The following AP4E1 variants were observed in gnomAD, a reference collection of about 807,000 sequenced individuals.
AP4E1 encodes the protein AP-4 complex subunit epsilon-1.
AP4E1 carries 56 observed loss-of-function variants against 128.2 expected under a neutral mutation model. The observed-to-expected ratio is 0.44, with a 90% confidence interval of 0.35 to 0.55. The LOEUF (loss-of-function observed/expected upper bound fraction) is 0.55. AP4E1 is among the 20% of genes least tolerant of loss of function. The pLI is 0.00. For synonymous variants in AP4E1, 484 were observed against 473.1 expected (o/e 1.02, Z -0.30); for missense variants, 1,324 against 1,307.7 (o/e 1.01, Z -0.19).
rs534218367 is a variant in AP4E1 at position 50,954,678 on chromosome 15, A to C, written c.1549-3814A>C. Among the ~76,000 whole-genome samples, 19 of 152,260 alleles carry C rather than the reference A, an allele frequency of 1.2e-4. 1 individual carries two copies. In the South Asian group the frequency reaches 3.9e-3, roughly 32 times the overall value. On this transcript the variant is annotated intron_variant, in intron 13 of 20. Coordinates refer to ENST00000261842, the MANE Select transcript of AP4E1 (RefSeq NM_007347.5). ...TGTTTTACGGTTCAAGGCACAGTCT[A>C]TCTTGGTATATGTTCTGTGTTTGCT...
At chr15:50,915,918 A>T (rs765758211) in intron 3 of AP4E1, 3 of 226,588 alleles carry the variant, frequency 1.3e-5, no homozygotes, top group Non-Finnish European at 2.6e-5. Flanking sequence ...TTATATGTCT[A>T]TAAAGAGCTC....
intron 3 of AP4E1, chr15:50,915,914 G>A (rs1469817698): frequency 4.3e-6 from 1 of 230,684 alleles, no homozygotes; most frequent in Non-Finnish European, 8.6e-6. Flanking sequence ...TAAATTATAT[G>A]TCTATAAAGA....
chr15:50,948,112 G>C lies in AP4E1; in HGVS notation c.1269G>C (p.Glu423Asp), dbSNP rs145477211. 2 of 1,613,846 alleles carry C rather than the reference G, an allele frequency of 1.2e-6. No individual in the cohort carries two copies. Among genetic ancestry groups the C allele is most frequent in the South Asian group, 1.1e-5 (1 of 91,084 alleles). ...AATATTTACATCAGAGCAAAGAAGA[G>C]TATGTCATCGTCAATTTGGTCGGCA... ...MLEYLHQSKEEYVIVNLVGKI... is the reference protein window; with the variant it reads ...MLEYLHQSKEDYVIVNLVGKI... The change falls in exon 11 of 21, where the codon GAG becomes GAC. Residue 423 changes from glutamate (E) to aspartate (D), a missense_variant. Physicochemically the swap from Glu to Asp is conservative, Grantham distance 45. Coordinates refer to ENST00000261842, the MANE Select transcript of AP4E1 (RefSeq NM_007347.5).
rs754652977 is a variant in AP4E1 at position 50,993,514 on chromosome 15, A to C, written c.2235A>C (p.Ile745=). 5 of 1,613,978 alleles carry C rather than the reference A, an allele frequency of 3.1e-6. No individual in the cohort carries two copies. The highest frequency in any genetic ancestry group is 2.5e-6 in the Non-Finnish European group (3 of 1,179,936). The change falls in exon 17 of 21, where the codon ATA becomes ATC. Residue 745 remains isoleucine, a synonymous_variant. Coordinates refer to ENST00000261842, the MANE Select transcript of AP4E1 (RefSeq NM_007347.5). ...ESIMENVDQA[I]TKKDQSQVLT... Reference sequence around the variant, plus strand: ...TAATGGAGAATGTAGATCAAGCTATAACTAAAAAGGATCAATCTCAAGTTC... The same window carrying C: ...TAATGGAGAATGTAGATCAAGCTATCACTAAAAAGGATCAATCTCAAGTTC...
At chr15:50,947,894 C>T (rs2064084545) in intron 10 of AP4E1, 126 bp from the exon 11 acceptor site, 2 of 759,458 alleles carry the variant, frequency 2.6e-6, no homozygotes, top group Admixed American at 5.7e-5. Flanking sequence ...TACCTGTTAA[C>T]TGACTACCCA....
At chr15:50,965,577 G>A (rs1047967673) in intron 14 of AP4E1, among the ~76,000 whole-genome samples, 4 of 152,206 alleles carry the variant, frequency 2.6e-5, no homozygotes, top group African/African-American at 9.6e-5. Flanking sequence ...GGATACAGAG[G>A]AAGGAGATGC....
At chr15:50,911,479 ATTTT>A (rs536958160) in intron 1 of AP4E1, among the ~76,000 whole-genome samples, 14 of 124,676 alleles carry the variant, frequency 1.1e-4, no homozygotes, top group Admixed American at 1.7e-4. Context: ...TCCACCTTTA[ATTTT>A]TTTTTTTTTT....
Position 50,957,269 on chromosome 15 carries a change from G to A in AP4E1, c.1549-1223G>A, listed in dbSNP as rs190252041. On this transcript the variant is annotated intron_variant, in intron 13 of 20. Transcript: ENST00000261842. The stretch of plus-strand genomic sequence containing the variant: ...GAAGGGGAGCTGACAGGGGGACTGG[G>A]GCAGTGAAGGTAATGTTCTCCAGAA... Among the ~76,000 whole-genome samples the A allele has an allele frequency of 1.6e-4, 24 of 152,252 alleles. No homozygotes were observed. The East Asian group carries it at 4.3e-3, about 27-fold the overall frequency.
chr15:50,984,521 A>T (rs12899459), intron 16 of AP4E1, among the ~76,000 whole-genome samples: 70,554 of 142,396 alleles, frequency 0.5, 17,172 homozygotes, highest in East Asian at 0.6. Context: ...AGTGTTCTCA[A>T]TGTTCAATTC....
chr15:51,005,247 G>A lies in AP4E1; in HGVS notation c.*2585G>A, dbSNP rs2065005502. ...AATAGTCATAATTTAGTCAGTGAAGGGACAACATCTGGGGTAAGAGCTATG... is the reference window on the plus strand; with the variant it reads ...AATAGTCATAATTTAGTCAGTGAAGAGACAACATCTGGGGTAAGAGCTATG... On this transcript the variant is annotated 3_prime_UTR_variant, in exon 21 of 21. Coordinates refer to ENST00000261842, the MANE Select transcript of AP4E1 (RefSeq NM_007347.5). The A allele has an allele frequency of 6.6e-6, 1 of 152,336 alleles. No homozygotes were observed. Among genetic ancestry groups the A allele is most frequent in the African/African-American group, 2.4e-5 (1 of 41,442 alleles). The allele number at this position is 152,336 out of a possible 1,614,324, so 9.4% of individuals were successfully genotyped here.
At position 50,997,401 on chromosome 15, in the gene AP4E1, A is replaced by G. The variant is rs749653665; in HGVS notation, c.2422A>G (p.Thr808Ala). Reference sequence around the variant, plus strand: ...CAAAGAAGCTAAAAGTGGCGAAACAACCAGTACTCATAATATGACCTGTTC... The same window carrying G: ...CAAAGAAGCTAAAAGTGGCGAAACAGCCAGTACTCATAATATGACCTGTTC... ...KVKEAKSGETTSTHNMTCSSF... is the reference protein window; with the variant it reads ...KVKEAKSGETASTHNMTCSSF... The change falls in exon 18 of 21, where the codon ACC (threonine) becomes GCC (alanine). Residue 808 changes from threonine to alanine, a missense_variant. Physicochemically the swap from Thr to Ala is moderately conservative, Grantham distance 58. Coordinates refer to ENST00000261842, the MANE Select transcript of AP4E1 (RefSeq NM_007347.5). 1.4e-5 allele frequency: 23 copies of G among 1,611,506 alleles called. No individual in the cohort carries two copies.
rs1315612927 is a variant in AP4E1, at chr15:50,999,245, A to G, written c.3078A>G (p.Ser1026=). ...AGCTGGAATTTTCTGTAAACTTATC[A>G]CTATTAGATTTCATTAGGTAAATGT... The part of the protein sequence containing the change: ...SAQLEFSVNL[S]LLDFIRPLKI... The change falls in exon 19 of 21, where the codon TCA becomes TCG. Residue 1026 remains serine (S), a synonymous_variant. Coordinates refer to ENST00000261842, the MANE Select transcript of AP4E1 (RefSeq NM_007347.5). 1.9e-6 allele frequency: 3 copies of G among 1,611,198 alleles called. No individual in the cohort carries two copies. Among genetic ancestry groups the G allele is most frequent in the Non-Finnish European group, 1.7e-6 (2 of 1,178,520 alleles).
At chr15:50,954,449 T>C (rs867832630) in intron 13 of AP4E1, among the ~76,000 whole-genome samples, 65 of 152,324 alleles carry the variant, frequency 4.3e-4, no homozygotes, top group Middle Eastern at 3.4e-3. Context: ...TTTCATTCAA[T>C]AGTTCAGTTT....
rs148209466 is a variant in AP4E1, at chr15:50,932,072, C to T, written c.869+1101C>T. Among the ~76,000 whole-genome samples, 924 of 152,088 alleles carry T rather than the reference C, an allele frequency of 6.1e-3. 9 individuals are homozygous for T. Among genetic ancestry groups the T allele is most frequent in the African/African-American group, 0.021 (873 of 41,472 alleles). ...TCAGCTCACTGCAACCTCCACCTCC[C>T]GGATTCAAGAGATTTTCCCACCTCA... On this transcript the variant is annotated intron_variant, in intron 7 of 20. Coordinates refer to ENST00000261842, the MANE Select transcript of AP4E1 (RefSeq NM_007347.5).
In AP4E1 at chr15:50,941,651, T is replaced by G; in HGVS notation, c.1067-15T>G. The G allele has an allele frequency of 1.2e-6, 2 of 1,612,368 alleles. No homozygotes were observed. Among genetic ancestry groups the G allele is most frequent in the Non-Finnish European group, 1.7e-6 (2 of 1,178,594 alleles). On this transcript the variant is annotated splice_polypyrimidine_tract_variant and intron_variant, in intron 9 of 20. Coordinates refer to ENST00000261842, the MANE Select transcript of AP4E1 (RefSeq NM_007347.5). ...TTGTTTCAATTCACTTTGTATAATGTGTCTTTGTTTCTAGGACTGAAGGCT... is the reference window on the plus strand; with the variant it reads ...TTGTTTCAATTCACTTTGTATAATGGGTCTTTGTTTCTAGGACTGAAGGCT...
chr15:50,987,821 G>A (rs2064749444), intron 16 of AP4E1, among the ~76,000 whole-genome samples: 1 of 152,180 alleles, frequency 6.6e-6, no homozygotes, highest in Non-Finnish European at 1.5e-5. Context: ...TGTATGGGCT[G>A]TTGTTTCAGT....
intron 8 of AP4E1, among the ~76,000 whole-genome samples, chr15:50,938,588 C>T (rs1567222800): frequency 1.3e-5 from 2 of 152,068 alleles, no homozygotes; most frequent in South Asian, 4.1e-4. Context: ...CTGGATTTTT[C>T]CCATCTGGAA....
intron 10 of AP4E1, chr15:50,946,058 A>G: frequency 1.4e-6 from 1 of 717,886 alleles, no homozygotes; most frequent in Non-Finnish European, 2.4e-6. Flanking sequence ...TGAGAACTCT[A>G]CAAATTAAAG....
intron 13 of AP4E1, among the ~76,000 whole-genome samples, 160 bp from the exon 14 acceptor site, chr15:50,958,332 C>A (rs963378180): frequency 1.3e-5 from 2 of 152,122 alleles, no homozygotes; most frequent in Non-Finnish European, 2.9e-5. Flanking sequence ...TAATTTTGAA[C>A]CTAAAATATA....
Sources: allele counts gnomAD v4.1 joint callset (sites outside exome capture counted in the v4.1 genomes callset), GRCh38; gene constraint gnomAD v4.1.1; transcripts MANE v1.5; gene names NCBI Gene and HGNC (gene_info 2026-07-23, HGNC 2026-07-21).